Variants in KCNG3 observed in about 807,000 individuals in gnomAD.
KCNG3 encodes potassium voltage-gated channel modifier subfamily G member 3, also known as voltage-gated potassium channel regulatory subunit KCNG3.
Under a neutral mutation model 29.0 loss-of-function variants are expected in KCNG3, and 15 were observed. The observed-to-expected ratio is 0.52, with a 90% CI of 0.35 to 0.80. The LOEUF (loss-of-function observed/expected upper bound fraction) is 0.80, where lower values mean the gene tolerates loss of function less well. Ranked by LOEUF, KCNG3 falls within the 30% of genes least tolerant of loss-of-function variation. KCNG3 has a pLI of 0.01. For missense variants in KCNG3, 512 were observed against 605.7 expected, an observed-to-expected ratio of 0.85 and a Z score of 1.62; for synonymous variants, 322 against 248.9, an observed-to-expected ratio of 1.29 and a Z score of -2.76.
the KCNG3 span, among the ~76,000 whole-genome samples, chr2:42,390,514 C>T: frequency 6.6e-6 from 1 of 152,184 alleles, no homozygotes; most frequent in East Asian, 1.9e-4. Flanking sequence ...TGACCCAATC[C>T]CCAGGGGCAA....
intron 1 of KCNG3, among the ~76,000 whole-genome samples, chr2:42,447,112 G>A (rs79783635): frequency 0.055 from 8,320 of 149,950 alleles, 450 homozygotes; most frequent in Middle Eastern, 0.11. Flanking sequence ...GGAAGGGGAA[G>A]GGAAAAGTCT....
chr2:42,412,566 C>T, the KCNG3 span, among the ~76,000 whole-genome samples: 13 of 152,152 alleles, frequency 8.5e-5, no homozygotes, highest in South Asian at 1.5e-3. Flanking sequence ...TATATTTTAA[C>T]GCTTTTATTG....
intron 1 of KCNG3, among the ~76,000 whole-genome samples, chr2:42,481,791 C>A (rs375751144): frequency 3.2e-4 from 49 of 152,132 alleles, no homozygotes; most frequent in African/African-American, 1.0e-3. Context: ...AAAACTCTTT[C>A]ACCCAGCTAT....
the KCNG3 span, among the ~76,000 whole-genome samples, chr2:42,393,673 C>G: frequency 1.3e-5 from 2 of 152,204 alleles, no homozygotes; most frequent in Non-Finnish European, 2.9e-5. Flanking sequence ...AAGATTACCT[C>G]ATAACACAAG....
chr2:42,464,342 C>T (rs1673090614), intron 1 of KCNG3, among the ~76,000 whole-genome samples: 1 of 152,170 alleles, frequency 6.6e-6, no homozygotes, highest in Non-Finnish European at 1.5e-5. Flanking sequence ...GCTCAGATTA[C>T]AGACCATGAG....
At chr2:42,477,368 T>C (rs930775118) in intron 1 of KCNG3, among the ~76,000 whole-genome samples, 2 of 128,654 alleles carry the variant, frequency 1.6e-5, no homozygotes, top group African/African-American at 3.2e-5. Flanking sequence ...TATATACATA[T>C]ATATACACAC....
chr2:42,434,894 A>G, the KCNG3 span, among the ~76,000 whole-genome samples: 1 of 152,182 alleles, frequency 6.6e-6, no homozygotes, highest in Non-Finnish European at 1.5e-5. Flanking sequence ...ACAACTGGAT[A>G]TCTACATGCA....
rs774075323 is a variant in KCNG3, at chr2:42,493,155, AG to A, written c.346del (p.Leu116SerfsTer66). The A allele has an allele frequency of 6.2e-7, 1 of 1,606,364 alleles. No individual in the cohort carries two copies. Among genetic ancestry groups the A allele is most frequent in the Non-Finnish European group, 8.5e-7 (1 of 1,179,210 alleles). ...AHLEYCCQRR[L>X]DDRMSDTYTF... ...GTAGGTGTCGGACATGCGGTCGTCG[AG>A]GCGGCGCTGGCAGCAGTACTCGAGG... On this transcript the variant is annotated frameshift_variant, in exon 1 of 2. Coordinates refer to ENST00000306078, the MANE Select transcript of KCNG3 (RefSeq NM_133329.6). LOFTEE classifies it high-confidence loss of function.
the KCNG3 span, among the ~76,000 whole-genome samples, chr2:42,393,053 A>C: frequency 6.6e-6 from 1 of 152,132 alleles, no homozygotes; most frequent in Non-Finnish European, 1.5e-5. Flanking sequence ...AAATTAATTA[A>C]CTTTGGGCAA....
the KCNG3 span, among the ~76,000 whole-genome samples, chr2:42,399,025 GTTC>G: frequency 5.1e-5 from 7 of 138,378 alleles, no homozygotes; most frequent in South Asian, 1.7e-3. Flanking sequence ...ATATTGGGTT[GTTC>G]TTTTTTTCTT....
chr2:42,398,092 G>A, the KCNG3 span, among the ~76,000 whole-genome samples: 1 of 151,942 alleles, frequency 6.6e-6, no homozygotes, highest in African/African-American at 2.4e-5. Flanking sequence ...GCATGGTGGC[G>A]GGCGCCTGTA....
At chr2:42,450,156 GT>G (rs1393600163) in intron 1 of KCNG3, among the ~76,000 whole-genome samples, 20 of 152,168 alleles carry the variant, frequency 1.3e-4, no homozygotes, top group African/African-American at 4.3e-4. Flanking sequence ...AGCCAAAGTT[GT>G]TATGACTAAG....
chr2:42,471,158 G>GTGTC (rs1673277161), intron 1 of KCNG3, among the ~76,000 whole-genome samples: 1 of 123,040 alleles, frequency 8.1e-6, no homozygotes, highest in African/African-American at 3.6e-5. Context: ...TCAAAAAAGT[G>GTGTC]TGTGTGTGTG....
the KCNG3 span, among the ~76,000 whole-genome samples, chr2:42,434,872 C>A: frequency 6.6e-6 from 1 of 152,078 alleles, no homozygotes; most frequent in African/African-American, 2.4e-5. Context: ...TGGGGAAAGA[C>A]TGATCTTTTC....
chr2:42,409,971 TG>T, the KCNG3 span, among the ~76,000 whole-genome samples: 4 of 152,138 alleles, frequency 2.6e-5, no homozygotes, highest in Non-Finnish European at 5.9e-5. Flanking sequence ...ACTCAATTTT[TG>T]GGCCCCACTT....
At chr2:42,454,655 T>C (rs980306472) in intron 1 of KCNG3, among the ~76,000 whole-genome samples, 1 of 151,328 alleles carries the variant, frequency 6.6e-6, no homozygotes, top group African/African-American at 2.4e-5. Flanking sequence ...GAGGTTGCAG[T>C]GAGCCAAGAT....
chr2:42,392,037 T>G, the KCNG3 span, among the ~76,000 whole-genome samples: 1 of 152,240 alleles, frequency 6.6e-6, no homozygotes, highest in East Asian at 1.9e-4. Flanking sequence ...CTTAGGGATC[T>G]CTTTATTCAT....
intron 1 of KCNG3, among the ~76,000 whole-genome samples, chr2:42,447,163 G>T (rs1390316724): frequency 1.3e-5 from 2 of 149,694 alleles, no homozygotes; most frequent in African/African-American, 4.9e-5. Context: ...CCCCTCCCTG[G>T]AGTCAACAAA....
the KCNG3 span, among the ~76,000 whole-genome samples, chr2:42,432,476 A>T: frequency 1.3e-5 from 2 of 152,316 alleles, no homozygotes; most frequent in African/African-American, 4.8e-5. Context: ...AAAGGAAGAG[A>T]ACTGAAAGAG....
Sources: allele counts gnomAD v4.1 joint callset (sites outside exome capture counted in the v4.1 genomes callset), GRCh38; gene constraint gnomAD v4.1.1; transcripts MANE v1.5; gene names NCBI Gene and HGNC (gene_info 2026-07-23, HGNC 2026-07-21).